The following ESRRB variants were observed in gnomAD, a reference collection of about 807,000 sequenced individuals.
ESRRB encodes estrogen related receptor beta.
ESRRB carries 16 observed loss-of-function variants against 46.0 expected under a neutral mutation model. That is an observed-to-expected ratio of 0.35 (90% CI 0.24 to 0.53). The LOEUF (loss-of-function observed/expected upper bound fraction) is 0.53, where lower values mean the gene tolerates loss of function less well. Ranked by LOEUF, ESRRB falls within the 20% of genes least tolerant of loss-of-function variation. The pLI is 0.93. For synonymous variants in ESRRB, 246 were observed against 259.6 expected (o/e 0.95, Z 0.50); for missense variants, 488 against 607.4 (o/e 0.80, Z 2.07).
chr14:76,311,054 T>G (rs1883727250), intron 1 of ESRRB: 1 of 385,784 alleles, frequency 2.6e-6, no homozygotes, highest in South Asian at 1.9e-5. Flanking sequence ...GCCTGTTCTT[T>G]CATCCTGGTT....
intron 1 of ESRRB, among the ~76,000 whole-genome samples, chr14:76,342,486 C>T (rs1331408504): frequency 6.6e-6 from 1 of 152,236 alleles, no homozygotes; most frequent in Non-Finnish European, 1.5e-5. Flanking sequence ...CACCTGACAC[C>T]TGTCATGATG....
intron 1 of ESRRB, among the ~76,000 whole-genome samples, chr14:76,411,392 G>A (rs1566883162): frequency 3.9e-5 from 6 of 151,996 alleles, no homozygotes; most frequent in Admixed American, 3.3e-4. Context: ...AGGATGCAGT[G>A]AGCTGAGATT....
intron 2 of ESRRB, among the ~76,000 whole-genome samples, chr14:76,444,197 T>G (rs80338400): frequency 0.082 from 12,514 of 152,002 alleles, 815 homozygotes; most frequent in African/African-American, 0.18. Context: ...CACACCCGAC[T>G]AATTTTTGTA....
chr14:76,496,786 C>G (rs1890448492), intron 6 of ESRRB, among the ~76,000 whole-genome samples: 1 of 152,118 alleles, frequency 6.6e-6, no homozygotes, highest in East Asian at 1.9e-4. Flanking sequence ...TGACGCTGGG[C>G]AGAAGTGCCC....
intron 2 of ESRRB, among the ~76,000 whole-genome samples, chr14:76,454,846 G>C (rs1175304190): frequency 6.6e-6 from 1 of 152,098 alleles, no homozygotes; most frequent in Non-Finnish European, 1.5e-5. Context: ...TATACAAATA[G>C]TTTAAAGAGT....
chr14:76,446,295 A>G (rs185210602), intron 2 of ESRRB, among the ~76,000 whole-genome samples: 26 of 151,984 alleles, frequency 1.7e-4, no homozygotes, highest in Non-Finnish European at 2.9e-4. Context: ...ATCAACTCCT[A>G]GTAGTGCATG....
intron 1 of ESRRB, among the ~76,000 whole-genome samples, chr14:76,417,359 G>A (rs185974397): frequency 6.6e-6 from 1 of 152,210 alleles, no homozygotes; most frequent in East Asian, 1.9e-4. Flanking sequence ...GGTGGAATGT[G>A]GGAAGGTGGG....
intron 1 of ESRRB, among the ~76,000 whole-genome samples, chr14:76,327,586 A>G (rs1308846742): frequency 6.6e-6 from 1 of 152,164 alleles, no homozygotes; most frequent in Non-Finnish European, 1.5e-5. Context: ...GCATACTATA[A>G]TTCCCCCAGA....
At chr14:76,440,657 T>TTTCCTTCC (rs566921340) in intron 2 of ESRRB, among the ~76,000 whole-genome samples, 4 of 151,452 alleles carry the variant, frequency 2.6e-5, no homozygotes, top group Admixed American at 2.0e-4. Flanking sequence ...CTGTATTTTC[T>TTTCCTTCC]TTCCTTCCTT....
chr14:76,413,321 C>G (rs955861152), intron 1 of ESRRB, among the ~76,000 whole-genome samples: 1 of 152,216 alleles, frequency 6.6e-6, no homozygotes, highest in Non-Finnish European at 1.5e-5. Flanking sequence ...CTGGCTTCTT[C>G]CTGTGCCCCG....
chr14:76,358,227 G>A (rs1421587485), intron 1 of ESRRB, among the ~76,000 whole-genome samples: 2 of 150,710 alleles, frequency 1.3e-5, no homozygotes, highest in South Asian at 2.1e-4. Flanking sequence ...CAGGAGAATC[G>A]CTTGAACCTG....
intron 3 of ESRRB, among the ~76,000 whole-genome samples, chr14:76,468,942 A>G (rs932110893): frequency 3.3e-5 from 5 of 151,944 alleles, no homozygotes; most frequent in African/African-American, 1.2e-4. Flanking sequence ...TTACCCTCCT[A>G]CCATTGAATC....
chr14:76,358,341 AAGAAAG>A (rs1884416483), intron 1 of ESRRB, among the ~76,000 whole-genome samples: 1 of 35,738 alleles, frequency 2.8e-5, no homozygotes, highest in Non-Finnish European at 5.3e-5. Context: ...GAAAGAAAGA[AAGAAAG>A]AAAGAAAGAA....
upstream of ESRRB, among the ~76,000 whole-genome samples, chr14:76,366,624 C>A (rs571634004): frequency 9.9e-5 from 15 of 152,162 alleles, 1 homozygote; most frequent in South Asian, 3.1e-3. Flanking sequence ...ATGGTCGCCC[C>A]GGGAAGTAGC....
At chr14:76,428,539 AG>A (rs1228977569) in intron 1 of ESRRB, among the ~76,000 whole-genome samples, 1 of 152,132 alleles carries the variant, frequency 6.6e-6, no homozygotes, top group Non-Finnish European at 1.5e-5. Context: ...GAGAGCTACC[AG>A]GTACCATTGG....
intron 1 of ESRRB, among the ~76,000 whole-genome samples, chr14:76,323,298 CTCTT>C (rs1329937040): frequency 1.3e-5 from 2 of 149,336 alleles, no homozygotes; most frequent in East Asian, 4.0e-4. Flanking sequence ...CTCTCTCTCT[CTCTT>C]TCTCTTTTTT....
chr14:76,480,547 G>T (rs1889767064), intron 3 of ESRRB, among the ~76,000 whole-genome samples: 1 of 152,176 alleles, frequency 6.6e-6, no homozygotes, highest in African/African-American at 2.4e-5. Flanking sequence ...TCCTAACAAA[G>T]AAACAGCCAG....
At chr14:76,479,866 C>G (rs1432030802) in intron 3 of ESRRB, among the ~76,000 whole-genome samples, 1 of 152,168 alleles carries the variant, frequency 6.6e-6, no homozygotes, top group African/African-American at 2.4e-5. Flanking sequence ...AGGGGAATTA[C>G]ATTTTTTAAA....
At chr14:76,435,830 C>A (rs1887651210) in intron 1 of ESRRB, among the ~76,000 whole-genome samples, 1 of 152,062 alleles carries the variant, frequency 6.6e-6, no homozygotes, top group South Asian at 2.1e-4. Flanking sequence ...GACTCCGTCT[C>A]AAAAACAAAA....
Sources: allele counts gnomAD v4.1 joint callset (sites outside exome capture counted in the v4.1 genomes callset), GRCh38; gene constraint gnomAD v4.1.1; transcripts MANE v1.5; gene names NCBI Gene and HGNC (gene_info 2026-07-23, HGNC 2026-07-21).